HOXD11: variants seen among roughly 807,000 people sequenced by gnomAD.
HOXD11 encodes homeobox D11.
HOXD11 carries 16 observed loss-of-function variants against 23.1 expected under a neutral mutation model. The ratio of observed to expected loss-of-function variants is 0.69; its 90% CI spans 0.47 to 1.05. The LOEUF (loss-of-function observed/expected upper bound fraction) is 1.05. HOXD11 is among the 50% of genes least tolerant of loss of function. The pLI, the probability that HOXD11 is intolerant of heterozygous loss-of-function variation, is 0.00. For synonymous variants in HOXD11, 262 were observed against 224.4 expected (o/e 1.17, Z -1.50); for missense variants, 564 against 495.6 (o/e 1.14, Z -1.31).
rs572108243 is a variant in HOXD11, at chr2:176,108,187, G to C, written c.781+51G>C. 994 of 756,074 alleles carry C rather than the reference G, an allele frequency of 1.3e-3. 30 individuals carry two copies. Among genetic ancestry groups the C allele is most frequent in the Non-Finnish European group, 1.6e-3 (890 of 544,260 alleles). 46.8% of individuals were successfully genotyped at this position (756,074 alleles called of 1,614,324 possible). On this transcript the variant is annotated intron_variant, in intron 1 of 1. Coordinates refer to ENST00000249504, the MANE Select transcript of HOXD11 (RefSeq NM_021192.3). Reference sequence around the variant, plus strand: ...GTGGGCCCGGGGGCCGCGGGGGAGGGGGGGGGGGCGGAGGCCTCCCTCTGC... The same window carrying C: ...GTGGGCCCGGGGGCCGCGGGGGAGGCGGGGGGGGCGGAGGCCTCCCTCTGC...
In HOXD11 at chr2:176,108,110, CG is replaced by C; in HGVS notation, c.760del (p.Ala254ProfsTer38). 2.6e-6 allele frequency: 3 copies of C among 1,173,366 alleles called. No individual in the cohort carries two copies. Among genetic ancestry groups the C allele is most frequent in the Admixed American group, 4.0e-5 (1 of 25,100 alleles). The allele number at this position is 1,173,366 out of a possible 1,614,324, so 72.7% of individuals were successfully genotyped here. ...GGDGEGPPGE[A>X]GAEKSSSAVA... Reference sequence around the variant, plus strand: ...GACGGCGAGGGCCCCCCGGGAGAGGCGGGGGCCGAGAAGAGCAGCAGCGCAG... The same window carrying C: ...GACGGCGAGGGCCCCCCGGGAGAGGCGGGGCCGAGAAGAGCAGCAGCGCAG... On this transcript the variant is annotated frameshift_variant, in exon 1 of 2. Transcript: ENST00000249504. LOFTEE classifies it high-confidence loss of function.
downstream of HOXD11, among the ~76,000 whole-genome samples, chr2:176,113,667 T>A (rs1260668787): frequency 2.0e-5 from 3 of 152,378 alleles, no homozygotes; most frequent in East Asian, 5.8e-4. Context: ...CTTGCTCAAT[T>A]TTTTAATGAT....
downstream of HOXD11, among the ~76,000 whole-genome samples, chr2:176,111,699 T>C (rs1689674574): frequency 6.6e-6 from 1 of 151,308 alleles, no homozygotes; most frequent in Non-Finnish European, 1.5e-5. Flanking sequence ...GATAAATGTA[T>C]GCATTTTGAA....
At chr2:176,110,274 C>T (rs985130120), downstream of HOXD11, among the ~76,000 whole-genome samples, 1 of 152,182 alleles carries the variant, frequency 6.6e-6, no homozygotes, top group African/African-American at 2.4e-5. Flanking sequence ...CAGGGCCAGG[C>T]CAGGCTGTTT....
In HOXD11 at chr2:176,107,506, C is replaced by A; in HGVS notation, c.151C>A (p.Leu51Met). The change falls in exon 1 of 2, where the codon CTG becomes ATG. Residue 51 changes from leucine (L) to methionine (M), a missense_variant. By Grantham distance (15) the Leu-to-Met change is conservative. Transcript: ENST00000249504. ...CQMTFPYSSN[L>M]APHVQPVREV... is the part of the protein sequence containing the mutation. ...GATGACTTTCCCCTACTCTTCCAAC[C>A]TGGCTCCGCACGTCCAGCCCGTGCG... 6.2e-7 allele frequency: 1 copy of A among 1,613,808 alleles called. No individual in the cohort carries two copies. The highest frequency in any genetic ancestry group is 8.5e-7 in the Non-Finnish European group (1 of 1,179,868).
Position 176,107,862 on chromosome 2 carries a change from C to A in HOXD11, c.507C>A (p.Gly169=). 5.5e-6 allele frequency: 8 copies of A among 1,451,964 alleles called. No individual in the cohort carries two copies. Among genetic ancestry groups the A allele is most frequent in the Non-Finnish European group, 7.3e-6 (8 of 1,099,944 alleles). The allele number at this position is 1,451,964 out of a possible 1,614,324, so 89.9% of individuals were successfully genotyped here. A position where few individuals can be genotyped will look rare whatever the true frequency, so the allele number is the denominator to read the frequency against. Residue 169 remains glycine, a synonymous_variant, in exon 1 of 2, where the codon GGC becomes GGA. Coordinates refer to ENST00000249504, the MANE Select transcript of HOXD11 (RefSeq NM_021192.3). ...GAASNFYSAV[G]RNGILPQGFD... ...CCTCCAACTTCTACAGCGCGGTGGG[C>A]CGCAATGGCATCTTGCCACAGGGCT...
In HOXD11 at chr2:176,107,475, C is replaced by T. The variant is rs766192420; in HGVS notation, c.120C>T (p.Ser40=). 6.2e-7 allele frequency: 1 copy of T among 1,614,008 alleles called. No individual in the cohort carries two copies. Among genetic ancestry groups the T allele is most frequent in the Admixed American group, 1.7e-5 (1 of 60,022 alleles). ...SKPSFLSQPS[S]CQMTFPYSSN... is the part of the protein sequence containing the mutation. ...CTTCGTTCCTTTCCCAACCGTCGTC[C>T]TGCCAGATGACTTTCCCCTACTCTT... Residue 40 remains serine (S), a synonymous_variant, in exon 1 of 2, where the codon TCC becomes TCT. Coordinates refer to ENST00000249504, the MANE Select transcript of HOXD11 (RefSeq NM_021192.3).
downstream of HOXD11, among the ~76,000 whole-genome samples, chr2:176,112,361 T>C (rs1303708042): frequency 1.3e-5 from 2 of 152,142 alleles, no homozygotes; most frequent in African/African-American, 2.4e-5. Flanking sequence ...CTCCCCGACA[T>C]TGGCCTCTCT....
At position 176,109,151 on chromosome 2, in the gene HOXD11, G is replaced by A. The variant is rs1334291092; in HGVS notation, c.*9G>A. 1 of 1,569,274 alleles carries A rather than the reference G, an allele frequency of 6.4e-7. No homozygotes were observed. The highest frequency in any genetic ancestry group is 2.2e-5 in the East Asian group (1 of 44,684). On this transcript the variant is annotated 3_prime_UTR_variant, in exon 2 of 2. Coordinates refer to ENST00000249504, the MANE Select transcript of HOXD11 (RefSeq NM_021192.3). ...GAAACCCCTTATTTTGAGAGCTCCA[G>A]GAAGCGCCCTCACCCCAGCCCCACT...
chr2:176,113,563 G>A (rs532422540), downstream of HOXD11, among the ~76,000 whole-genome samples: 1 of 152,262 alleles, frequency 6.6e-6, no homozygotes, highest in East Asian at 1.9e-4. Flanking sequence ...GTAGAGCACG[G>A]CCTTTTTATT....
Position 176,108,106 on chromosome 2 carries a change from G to C in HOXD11, c.751G>C (p.Glu251Gln), listed in dbSNP as rs997710367. 4.8e-6 allele frequency: 7 copies of C among 1,450,360 alleles called. No homozygotes were observed. Among genetic ancestry groups the C allele is most frequent in the Non-Finnish European group, 6.3e-6 (7 of 1,106,002 alleles). The allele number at this position is 1,450,360 out of a possible 1,614,324, so 89.8% of individuals were successfully genotyped here. ...TGGCGACGGCGAGGGCCCCCCGGGA[G>C]AGGCGGGGGCCGAGAAGAGCAGCAG... is the stretch of plus-strand genomic sequence containing the variant. Reference protein sequence around the residue: ...SGGDGEGPPGEAGAEKSSSAV... With the variant: ...SGGDGEGPPGQAGAEKSSSAV... The change falls in exon 1 of 2, where the codon GAG becomes CAG. Residue 251 changes from glutamate to glutamine, a missense_variant. Coordinates refer to ENST00000249504, the MANE Select transcript of HOXD11 (RefSeq NM_021192.3).
At chr2:176,112,762 G>C (rs1398682192), downstream of HOXD11, among the ~76,000 whole-genome samples, 3 of 152,238 alleles carry the variant, frequency 2.0e-5, no homozygotes, top group Admixed American at 2.0e-4. Context: ...GGCTGTGCGG[G>C]GGCCCCTTGG....
chr2:176,111,381 A>C (rs953162100), downstream of HOXD11: 1 of 145,104 alleles, frequency 6.9e-6, no homozygotes, highest in African/African-American at 2.6e-5. Context: ...TTCCGTTTGC[A>C]GGGGCCTGGA....
chr2:176,108,547 C>T (rs529146197), intron 1 of HOXD11, among the ~76,000 whole-genome samples: 115 of 152,144 alleles, frequency 7.6e-4, no homozygotes, highest in African/African-American at 2.5e-3. Flanking sequence ...CTAGCTGACG[C>T]GCGCCGCTGG....
chr2:176,114,332 T>C (rs1689718403), downstream of HOXD11, among the ~76,000 whole-genome samples: 1 of 152,084 alleles, frequency 6.6e-6, no homozygotes, highest in South Asian at 2.1e-4. Flanking sequence ...TTTTGTCTTG[T>C]TTTGTTTTTC....
chr2:176,108,177 G>T, intron 1 of HOXD11, 41 bp downstream of exon 1: 1 of 803,726 alleles, frequency 1.2e-6, no homozygotes, highest in Non-Finnish European at 1.6e-6. Flanking sequence ...CCCGGGGGCC[G>T]CGGGGGAGGG....
chr2:176,111,343 C>G (rs1689669586), downstream of HOXD11: 1 of 151,810 alleles, frequency 6.6e-6, no homozygotes, highest in Non-Finnish European at 1.5e-5. Context: ...GCCCACCACC[C>G]AAGGCAAGCC....
rs1689629148 is a variant in HOXD11, at chr2:176,108,835, G to GC, written c.782-69dup. 3 of 1,030,228 alleles carry GC rather than the reference G, an allele frequency of 2.9e-6. No individual in the cohort carries two copies. The South Asian group carries it at 4.8e-5, about 16-fold the overall frequency. The allele number at this position is 1,030,228 out of a possible 1,614,324, so 63.8% of individuals were successfully genotyped here. A position where few individuals can be genotyped will look rare whatever the true frequency, so the allele number is the denominator to read the frequency against. ...GCCAGGGCCTGGCCCTCGCTCAGTG[G>GC]CCCGGGCGGGCGGGCGGGTGGGGGC... On this transcript the variant is annotated intron_variant, in intron 1 of 1. Transcript: ENST00000249504.
At position 176,107,996 on chromosome 2, in the gene HOXD11, G is replaced by A. The variant is rs1410044831; in HGVS notation, c.641G>A (p.Arg214Lys). 3 of 1,482,170 alleles carry A rather than the reference G, an allele frequency of 2.0e-6. No homozygotes were observed. 91.8% of individuals were successfully genotyped at this position (1,482,170 alleles called of 1,614,324 possible). A position where few individuals can be genotyped will look rare whatever the true frequency, so the allele number is the denominator to read the frequency against. The change falls in exon 1 of 2, where the codon AGG becomes AAG. Residue 214 changes from arginine (R) to lysine (K), a missense_variant. By Grantham distance (26) the Arg-to-Lys change is conservative (BLOSUM62 2). Coordinates refer to ENST00000249504, the MANE Select transcript of HOXD11 (RefSeq NM_021192.3). ...PEGAADKGDP[R>K]TGAGGGGGSP... ...GGCGCAGCCGACAAGGGCGACCCCAGGACCGGGGCTGGTGGCGGCGGGGGC... is the reference window on the plus strand; with the variant it reads ...GGCGCAGCCGACAAGGGCGACCCCAAGACCGGGGCTGGTGGCGGCGGGGGC...
Sources: gnomAD v4.1 joint callset for allele counts (sites outside exome capture counted in the v4.1 genomes callset) on GRCh38, gnomAD v4.1.1 for gene constraint, MANE v1.5 for transcripts, NCBI Gene and HGNC (gene_info 2026-07-23, HGNC 2026-07-21) for gene names.